Variants in NBEA observed in about 807,000 individuals in gnomAD.
NBEA encodes the protein neurobeachin, also known as lysosomal-trafficking regulator 2.
A neutral mutation model predicts 343.4 loss-of-function variants in NBEA; 44 were observed. The observed-to-expected ratio is 0.13, with a 90% CI of 0.10 to 0.16. NBEA has a LOEUF of 0.16. Ranked by LOEUF, NBEA falls within the 10% of genes least tolerant of loss-of-function variation. The pLI, the probability that NBEA is intolerant of heterozygous loss-of-function variation, is 1.00. For synonymous variants in NBEA, 1,175 were observed against 1,238.7 expected (o/e 0.95, Z 1.08); for missense variants, 2,555 against 3,631.3 (o/e 0.70, Z 7.62).
chr13:35,096,608 T>G (rs1203238662), intron 10 of NBEA, among the ~76,000 whole-genome samples: 1 of 151,958 alleles, frequency 6.6e-6, no homozygotes, highest in Non-Finnish European at 1.5e-5. Context: ...TCGTTCTTTT[T>G]GGCAGTGCTC....
At chr13:35,400,095 A>G (rs2042926992) in intron 38 of NBEA, among the ~76,000 whole-genome samples, 1 of 151,842 alleles carries the variant, frequency 6.6e-6, no homozygotes, top group East Asian at 1.9e-4. Context: ...AAATATCACA[A>G]GAATTACTAA....
chr13:35,395,170 C>G (rs980428080), intron 38 of NBEA, among the ~76,000 whole-genome samples: 6 of 151,912 alleles, frequency 3.9e-5, no homozygotes, highest in Non-Finnish European at 8.8e-5. Context: ...TTATATATGA[C>G]ATATCTTGTC....
chr13:35,618,398 T>C, intron 48 of NBEA, among the ~76,000 whole-genome samples: 1 of 152,360 alleles, frequency 6.6e-6, no homozygotes, highest in Admixed American at 6.5e-5. Flanking sequence ...ACTTTACATG[T>C]CTACAACCTA....
At chr13:35,137,100 C>T (rs1304772960) in intron 17 of NBEA, among the ~76,000 whole-genome samples, 1 of 152,034 alleles carries the variant, frequency 6.6e-6, no homozygotes, top group Non-Finnish European at 1.5e-5. Flanking sequence ...AATTATGTAA[C>T]ACTTTGTTGT....
At chr13:35,396,644 T>A (rs2042759097) in intron 38 of NBEA, among the ~76,000 whole-genome samples, 1 of 152,142 alleles carries the variant, frequency 6.6e-6, no homozygotes, top group Admixed American at 6.6e-5. Context: ...TGCTCAGAAA[T>A]GGGTAACTCA....
intron 41 of NBEA, among the ~76,000 whole-genome samples, chr13:35,493,093 A>G (rs942191436): frequency 3.9e-5 from 6 of 151,966 alleles, no homozygotes; most frequent in Non-Finnish European, 8.8e-5. Flanking sequence ...AATTCTCTAA[A>G]AGTGATTATA....
chr13:35,145,333 T>C (rs1347879515), intron 18 of NBEA, among the ~76,000 whole-genome samples: 1 of 152,192 alleles, frequency 6.6e-6, no homozygotes, highest in East Asian at 1.9e-4. Context: ...TTTTGTTCGA[T>C]GGACATGGTG....
chr13:35,064,507 A>C (rs576938598), intron 8 of NBEA, among the ~76,000 whole-genome samples: 57 of 152,206 alleles, frequency 3.7e-4, no homozygotes, highest in African/African-American at 1.4e-3. Context: ...AATTACTGAA[A>C]ATACAGTTAA....
chr13:35,374,614 T>G (rs1183720931), intron 38 of NBEA, among the ~76,000 whole-genome samples: 1 of 152,174 alleles, frequency 6.6e-6, no homozygotes, highest in Non-Finnish European at 1.5e-5. Flanking sequence ...AATCCTGCAG[T>G]TTTATGAAAT....
At chr13:35,258,389 C>T (rs904036191) in intron 34 of NBEA, among the ~76,000 whole-genome samples, 2 of 152,056 alleles carry the variant, frequency 1.3e-5, no homozygotes, top group African/African-American at 4.8e-5. Context: ...TGGTCTCGAT[C>T]TCCTGACCTC....
chr13:35,374,141 C>CT (rs990667751), intron 38 of NBEA, among the ~76,000 whole-genome samples: 1 of 152,124 alleles, frequency 6.6e-6, no homozygotes, highest in Non-Finnish European at 1.5e-5. Flanking sequence ...AAAGACACCA[C>CT]TTTTTTTCAC....
chr13:35,051,508 A>G (rs2063065140), intron 6 of NBEA, among the ~76,000 whole-genome samples: 2 of 152,022 alleles, frequency 1.3e-5, no homozygotes, highest in Admixed American at 1.3e-4. Flanking sequence ...CTTTATATTT[A>G]ATGTCAGTTA....
chr13:35,158,202 T>G (rs2069311130), intron 21 of NBEA, among the ~76,000 whole-genome samples: 1 of 152,056 alleles, frequency 6.6e-6, no homozygotes, highest in Non-Finnish European at 1.5e-5. Flanking sequence ...ATTAAGGGGA[T>G]TTTTGTATTA....
intron 33 of NBEA, among the ~76,000 whole-genome samples, chr13:35,217,719 A>T (rs145188160): frequency 1.1e-4 from 17 of 152,212 alleles, no homozygotes; most frequent in African/African-American, 3.6e-4. Flanking sequence ...TAGAAAGGGT[A>T]GACTTGCTAG....
chr13:35,393,449 T>C (rs997197559), intron 38 of NBEA, among the ~76,000 whole-genome samples: 1 of 152,126 alleles, frequency 6.6e-6, no homozygotes, highest in Non-Finnish European at 1.5e-5. Flanking sequence ...ATTAATATCC[T>C]TTGGTATGCT....
chr13:35,301,982 GC>G (rs2036583576), intron 35 of NBEA, among the ~76,000 whole-genome samples: 1 of 152,100 alleles, frequency 6.6e-6, no homozygotes, highest in African/African-American at 2.4e-5. Context: ...TAGTTTTAGT[GC>G]TGTCTGTATG....
chr13:35,514,099 T>G (rs1219778913), intron 41 of NBEA, among the ~76,000 whole-genome samples: 1 of 152,034 alleles, frequency 6.6e-6, no homozygotes, highest in Non-Finnish European at 1.5e-5. Context: ...ACTCTACTTC[T>G]TGGCTACTCC....
At chr13:35,399,331 G>A (rs2042892366) in intron 38 of NBEA, among the ~76,000 whole-genome samples, 2 of 152,122 alleles carry the variant, frequency 1.3e-5, no homozygotes, top group Admixed American at 6.6e-5. Flanking sequence ...AAGGAAAGAG[G>A]TTTAATTGAC....
In NBEA at chr13:35,174,833, G is replaced by T. The variant is rs1405146057; in HGVS notation, c.4554+1239G>T. Among the ~76,000 whole-genome samples, 9 of 149,518 alleles carry T rather than the reference G, an allele frequency of 6.0e-5. 1 individual carries two copies. The highest frequency in any genetic ancestry group is 2.2e-4 in the African/African-American group (9 of 40,604). On this transcript the variant is annotated intron_variant, in intron 27 of 58. Transcript: ENST00000379939. ...TTTTGAGATGGAGTCTCACTCTGTT[G>T]CCAGGGTGGAGTGGAGTGGCATGAT...
Sources: allele counts gnomAD v4.1 joint callset (sites outside exome capture counted in the v4.1 genomes callset), GRCh38; gene constraint gnomAD v4.1.1; transcripts MANE v1.5; gene names NCBI Gene and HGNC (gene_info 2026-07-23, HGNC 2026-07-21).